The following BMAL2 variants were observed in gnomAD, a reference collection of about 807,000 sequenced individuals.
The protein encoded by BMAL2 is basic helix-loop-helix ARNT-like protein 2.
chr12:27,365,401 T>C, the BMAL2 span, among the ~76,000 whole-genome samples: 1 of 152,078 alleles, frequency 6.6e-6, no homozygotes, highest in Non-Finnish European at 1.5e-5. Flanking sequence ...ATTTTTGTAT[T>C]TTTGTTTGTG....
At chr12:27,410,048 C>T in the BMAL2 span, among the ~76,000 whole-genome samples, 2 of 151,818 alleles carry the variant, frequency 1.3e-5, no homozygotes, top group Non-Finnish European at 2.9e-5. Flanking sequence ...CAATGAGATA[C>T]CATCTCACAC....
chr12:27,357,738 G>C, the BMAL2 span, among the ~76,000 whole-genome samples: 1 of 151,954 alleles, frequency 6.6e-6, no homozygotes, highest in African/African-American at 2.4e-5. Context: ...ACTGATCTTC[G>C]ATAAACAAAA....
the BMAL2 span, among the ~76,000 whole-genome samples, chr12:27,341,009 C>T: frequency 6.6e-6 from 1 of 151,970 alleles, no homozygotes; most frequent in Non-Finnish European, 1.5e-5. Context: ...GCTTTTGGCC[C>T]GAGACTATAG....
the BMAL2 span, among the ~76,000 whole-genome samples, chr12:27,415,274 A>G: frequency 6.6e-6 from 1 of 152,230 alleles, no homozygotes; most frequent in African/African-American, 2.4e-5. Context: ...ATGAATATGT[A>G]AATTTATTTA....
At chr12:27,356,794 G>A in the BMAL2 span, among the ~76,000 whole-genome samples, 1 of 152,054 alleles carries the variant, frequency 6.6e-6, no homozygotes, top group African/African-American at 2.4e-5. Flanking sequence ...GGGAACAGGT[G>A]GTGTTTGGTT....
the BMAL2 span, among the ~76,000 whole-genome samples, chr12:27,336,413 T>C: frequency 1.3e-5 from 2 of 152,172 alleles, no homozygotes; most frequent in African/African-American, 4.8e-5. Flanking sequence ...ACTAAGAGCC[T>C]TCAGTGTAAG....
At chr12:27,415,748 A>G in the BMAL2 span, 14 of 703,838 alleles carry the variant, frequency 2.0e-5, no homozygotes, top group Admixed American at 2.9e-4. Context: ...GAAACCTGCT[A>G]TGATACTCAG....
the BMAL2 span, among the ~76,000 whole-genome samples, chr12:27,379,877 AG>A: frequency 6.6e-6 from 1 of 152,068 alleles, no homozygotes; most frequent in South Asian, 2.1e-4. Flanking sequence ...AAAAATAATG[AG>A]GTTAAGATGC....
the BMAL2 span, chr12:27,389,923 A>G: frequency 1.8e-6 from 1 of 551,170 alleles, no homozygotes; most frequent in South Asian, 4.7e-5. Flanking sequence ...TGCTTGACAA[A>G]TACATTTTTT....
the BMAL2 span, among the ~76,000 whole-genome samples, chr12:27,388,036 A>T: frequency 6.6e-6 from 1 of 152,166 alleles, no homozygotes; most frequent in Non-Finnish European, 1.5e-5. Flanking sequence ...CTGGGGGCAC[A>T]AACCTCATGA....
At chr12:27,374,492 T>G in the BMAL2 span, among the ~76,000 whole-genome samples, 2 of 152,208 alleles carry the variant, frequency 1.3e-5, 1 homozygote, top group South Asian at 4.1e-4. Context: ...TGCAGAAGGC[T>G]CTGGAGCCAG....
At chr12:27,351,064 C>G in the BMAL2 span, among the ~76,000 whole-genome samples, 2 of 141,174 alleles carry the variant, frequency 1.4e-5, no homozygotes, top group African/African-American at 5.2e-5. Context: ...ACATGGTTCA[C>G]TTCAGCCTCG....
At chr12:27,423,950 G>A in the BMAL2 span, 1 of 152,144 alleles carries the variant, frequency 6.6e-6, no homozygotes, top group Non-Finnish European at 1.5e-5. Flanking sequence ...AGTGAGATGT[G>A]CTATCAATGT....
chr12:27,422,427 G>A, the BMAL2 span: 22 of 152,334 alleles, frequency 1.4e-4, no homozygotes, highest in East Asian at 3.7e-3. Context: ...TGTCAGACAT[G>A]TTAATGACAA....
the BMAL2 span, among the ~76,000 whole-genome samples, chr12:27,409,370 C>T: frequency 4.5e-4 from 68 of 152,312 alleles, no homozygotes; most frequent in Middle Eastern, 3.4e-3. Context: ...GTAACCAAAA[C>T]AGCATGGTAC....
At chr12:27,389,139 C>T in the BMAL2 span, 11 of 1,305,426 alleles carry the variant, frequency 8.4e-6, no homozygotes, top group African/African-American at 1.5e-5. Context: ...GTAGAAAAAG[C>T]ATGGTACTGA....
chr12:27,368,329 A>G, the BMAL2 span: 1 of 1,614,190 alleles, frequency 6.2e-7, no homozygotes, highest in Non-Finnish European at 8.5e-7. Flanking sequence ...GTCCAGGGAC[A>G]AGACCAACAG....
chr12:27,404,825 A>G, the BMAL2 span, among the ~76,000 whole-genome samples: 4 of 152,188 alleles, frequency 2.6e-5, no homozygotes, highest in African/African-American at 9.7e-5. Context: ...CGGAAAGCGC[A>G]AGGGGTCAGG....
chr12:27,411,141 C>G, the BMAL2 span, among the ~76,000 whole-genome samples: 1 of 151,692 alleles, frequency 6.6e-6, no homozygotes, highest in African/African-American at 2.4e-5. Context: ...TTTAAATTTT[C>G]TTTTGAGGCA....
Sources: gnomAD v4.1 joint callset for allele counts (sites outside exome capture counted in the v4.1 genomes callset) on GRCh38, gnomAD v4.1.1 for gene constraint, MANE v1.5 for transcripts, NCBI Gene and HGNC (gene_info 2026-07-23, HGNC 2026-07-21) for gene names.